NUP98: variants seen among roughly 807,000 people sequenced by gnomAD.
NUP98 encodes nuclear pore complex protein Nup98-Nup96.
Under a neutral mutation model 191.9 loss-of-function variants are expected in NUP98, and 26 were observed. The ratio of observed to expected loss-of-function variants is 0.14; its 90% CI spans 0.10 to 0.19. The LOEUF is 0.19. Ranked by LOEUF, NUP98 falls within the 10% of genes least tolerant of loss-of-function variation. NUP98 has a pLI of 1.00. For synonymous variants in NUP98, 808 were observed against 778.4 expected (o/e 1.04, Z -0.63); for missense variants, 1,941 against 2,178.8 (o/e 0.89, Z 2.17).
intron 5 of NUP98, among the ~76,000 whole-genome samples, chr11:3,775,462 G>A (rs765836225): frequency 6.6e-6 from 1 of 152,088 alleles, no homozygotes; most frequent in African/African-American, 2.4e-5. Flanking sequence ...CTTGAACCCA[G>A]GAGGTAGAGG....
At chr11:3,765,208 G>C (rs753334777) in intron 8 of NUP98, among the ~76,000 whole-genome samples, 5 of 151,962 alleles carry the variant, frequency 3.3e-5, no homozygotes, top group Non-Finnish European at 7.4e-5. Context: ...TGTTTGTTTA[G>C]AGATAGGGTC....
chr11:3,749,376 G>A (rs1270805492), intron 11 of NUP98, among the ~76,000 whole-genome samples: 4 of 152,166 alleles, frequency 2.6e-5, no homozygotes, highest in Non-Finnish European at 4.4e-5. Flanking sequence ...TGTAATCCCA[G>A]CACTTTGGGA....
At chr11:3,710,491 T>C (rs961468026) in intron 20 of NUP98, among the ~76,000 whole-genome samples, 2 of 152,082 alleles carry the variant, frequency 1.3e-5, no homozygotes, top group African/African-American at 4.8e-5. Context: ...AATGTGACCA[T>C]TAAAGAAAAA....
intron 20 of NUP98, among the ~76,000 whole-genome samples, chr11:3,709,939 A>C (rs1056614479): frequency 2.7e-5 from 4 of 148,640 alleles, no homozygotes; most frequent in African/African-American, 9.9e-5. Flanking sequence ...TAACCTGCAC[A>C]CTGTGCACAT....
intron 12 of NUP98, among the ~76,000 whole-genome samples, chr11:3,740,662 TCATCCCAGAGCTAAGAATCTGA>T (rs1291518923): frequency 6.6e-6 from 1 of 152,062 alleles, no homozygotes; most frequent in African/African-American, 2.4e-5. Flanking sequence ...GTTACTGCAA[TCATCCCAGAGCTAAGAATCTGA>T]CATTCTAACA....
At chr11:3,683,545 CTTT>C (rs35532049) in intron 29 of NUP98, 104 bp from the exon 30 acceptor site, 450 of 812,030 alleles carry the variant, frequency 5.5e-4, no homozygotes, top group East Asian at 7.1e-4. Context: ...AACTGCAGGT[CTTT>C]TTTTTTTTTG....
rs116385838 is a variant in NUP98 at position 3,782,605 on chromosome 11, C to T, written c.-28-460G>A. Among the ~76,000 whole-genome samples the T allele has an allele frequency of 7.6e-3, 1,031 of 135,302 alleles. 16 individuals carry two copies. The highest frequency in any genetic ancestry group is 0.026 in the Middle Eastern group (6 of 232). 88.8% of individuals were successfully genotyped at this position (135,302 alleles called of 152,430 possible). Reference sequence around the variant, plus strand: ...TTTTTTTTTTTTTGAGACAGAAGGACGTGCAGTGGCTCACTGCAACCTCCT... The same window carrying T: ...TTTTTTTTTTTTTGAGACAGAAGGATGTGCAGTGGCTCACTGCAACCTCCT... On this transcript the variant is annotated intron_variant, in intron 1 of 32. Transcript: ENST00000324932.
At chr11:3,778,600 T>A (rs903711264) in intron 4 of NUP98, among the ~76,000 whole-genome samples, 3 of 152,212 alleles carry the variant, frequency 2.0e-5, no homozygotes, top group Non-Finnish European at 2.9e-5. Context: ...TGGCTTTTCA[T>A]CCTTTCTCTA....
At chr11:3,732,865 G>A (rs2079897072) in intron 13 of NUP98, among the ~76,000 whole-genome samples, 1 of 152,124 alleles carries the variant, frequency 6.6e-6, no homozygotes, top group Non-Finnish European at 1.5e-5. Context: ...ATGAATCTTT[G>A]TTATTCCCAG....
intron 1 of NUP98, 104 bp downstream of exon 1, chr11:3,797,296 G>A (rs1257029958): frequency 2.5e-6 from 1 of 398,192 alleles, no homozygotes; most frequent in Non-Finnish European, 4.4e-6. Flanking sequence ...AGCGGCGCTA[G>A]ACTTCGAAGC....
chr11:3,788,308 A>C (rs1426040367), intron 1 of NUP98, among the ~76,000 whole-genome samples: 1 of 152,190 alleles, frequency 6.6e-6, no homozygotes, highest in East Asian at 1.9e-4. Flanking sequence ...ATCTGTATTT[A>C]AAACTGTCAC....
At chr11:3,710,041 C>G (rs1353882766) in intron 20 of NUP98, among the ~76,000 whole-genome samples, 1 of 149,212 alleles carries the variant, frequency 6.7e-6, no homozygotes, top group Non-Finnish European at 1.5e-5. Context: ...ACACGTATCT[C>G]TACCTGAGTG....
intron 20 of NUP98, among the ~76,000 whole-genome samples, chr11:3,707,514 G>A (rs144291874): frequency 6.6e-6 from 1 of 151,898 alleles, no homozygotes; most frequent in Admixed American, 6.6e-5. Flanking sequence ...TTGGGAGGCC[G>A]AGGTGGGCAG....
intron 1 of NUP98, among the ~76,000 whole-genome samples, chr11:3,784,733 G>T (rs1198035153): frequency 6.7e-6 from 1 of 149,730 alleles, no homozygotes; most frequent in Non-Finnish European, 1.5e-5. Context: ...CAGCAAGCAA[G>T]CAAACAAACA....
intron 12 of NUP98, among the ~76,000 whole-genome samples, chr11:3,735,706 G>A (rs1484912999): frequency 6.6e-6 from 1 of 150,854 alleles, no homozygotes; most frequent in Non-Finnish European, 1.5e-5. Context: ...ATTATAGACT[G>A]GTTTGTCTAA....
Position 3,676,492 on chromosome 11 carries a change from G to C in NUP98, c.5185+17C>G. On this transcript the variant is annotated intron_variant, in intron 32 of 32. Coordinates refer to ENST00000324932, the MANE Select transcript of NUP98 (RefSeq NM_016320.5). ...GGAAGCAAGAAGGCAGAAAGAGTGA[G>C]GAGGTTAGAGGCTTACCTGACTGAG... The C allele has an allele frequency of 6.2e-7, 1 of 1,607,624 alleles. No individual in the cohort carries two copies. Among genetic ancestry groups the C allele is most frequent in the Non-Finnish European group, 8.5e-7 (1 of 1,174,066 alleles).
At chr11:3,755,363 C>G (rs971432707) in intron 10 of NUP98, among the ~76,000 whole-genome samples, 17 of 151,478 alleles carry the variant, frequency 1.1e-4, no homozygotes, top group African/African-American at 3.6e-4. Flanking sequence ...ATTTGGGAGG[C>G]TGACGCAGGA....
At chr11:3,766,968 T>C (rs1247130619) in intron 8 of NUP98, among the ~76,000 whole-genome samples, 1 of 152,150 alleles carries the variant, frequency 6.6e-6, no homozygotes, top group East Asian at 1.9e-4. Context: ...CCTTTTTTGT[T>C]TGTTTGTTTG....
At chr11:3,679,468 G>C (rs778128854) in intron 31 of NUP98, 86 bp downstream of exon 31, 11 of 1,439,798 alleles carry the variant, frequency 7.6e-6, no homozygotes, top group Non-Finnish European at 1.1e-5. Context: ...GCATTCTCAA[G>C]TGTATACTAA....
Sources: gnomAD v4.1 joint callset for allele counts (sites outside exome capture counted in the v4.1 genomes callset) on GRCh38, gnomAD v4.1.1 for gene constraint, MANE v1.5 for transcripts, NCBI Gene and HGNC (gene_info 2026-07-23, HGNC 2026-07-21) for gene names.